Variants in CEP63 observed in about 807,000 individuals in gnomAD.
CEP63 encodes centrosomal protein of 63 kDa.
Under a neutral mutation model 89.1 loss-of-function variants are expected in CEP63, and 84 were observed. The observed-to-expected ratio is 0.94, with a 90% CI of 0.79 to 1.13. The LOEUF (loss-of-function observed/expected upper bound fraction) is 1.13. CEP63 is among the 50% of genes most tolerant of loss of function. CEP63 has a pLI of 0.00. For missense variants in CEP63, 838 were observed against 813.3 expected, an observed-to-expected ratio of 1.03 and a Z score of -0.37; for synonymous variants, 267 against 272.5, an observed-to-expected ratio of 0.98 and a Z score of 0.20.
the CEP63 span, chr3:134,629,800 C>T: frequency 1.4e-6 from 1 of 716,992 alleles, no homozygotes; most frequent in South Asian, 1.6e-5. Flanking sequence ...TTAGAACTTT[C>T]TTTTGTGTGT....
Position 134,532,865 on chromosome 3 carries a change from C to G in CEP63, c.406C>G (p.Arg136Gly), listed in dbSNP as rs779176783. ...AAATACCAAAAATCACAGGGAAGATCGGTCTGAAATTGAGAGGTTAACTGC... is the reference window on the plus strand; with the variant it reads ...AAATACCAAAAATCACAGGGAAGATGGGTCTGAAATTGAGAGGTTAACTGC... ...RGNTKNHRED[R>G]SEIERLTAKI... The change falls in exon 5 of 15, where the codon CGG becomes GGG. Residue 136 changes from arginine (R) to glycine (G), a missense_variant. Coordinates refer to ENST00000675561, the MANE Select transcript of CEP63 (RefSeq NM_001353108.3). 1.9e-6 allele frequency: 3 copies of G among 1,613,608 alleles called. No homozygotes were observed. Among genetic ancestry groups the G allele is most frequent in the Non-Finnish European group, 2.5e-6 (3 of 1,179,784 alleles).
the CEP63 span, among the ~76,000 whole-genome samples, chr3:134,730,708 A>G: frequency 6.6e-6 from 1 of 151,922 alleles, no homozygotes; most frequent in Non-Finnish European, 1.5e-5. Flanking sequence ...AAGCAAGGTA[A>G]CTATAAAGCA....
chr3:134,584,587 T>C (rs552154505), intron 10 of CEP63, among the ~76,000 whole-genome samples: 1 of 152,350 alleles, frequency 6.6e-6, no homozygotes, highest in African/African-American at 2.4e-5. Context: ...GCCAGTATTT[T>C]ATTGAGGATT....
the CEP63 span, among the ~76,000 whole-genome samples, chr3:134,721,463 T>C: frequency 6.6e-6 from 1 of 152,090 alleles, no homozygotes; most frequent in Non-Finnish European, 1.5e-5. Context: ...TTTTTTTCTT[T>C]CTCTTACCTA....
At chr3:134,669,003 G>A in the CEP63 span, among the ~76,000 whole-genome samples, 1 of 151,992 alleles carries the variant, frequency 6.6e-6, no homozygotes, top group African/African-American at 2.4e-5. Flanking sequence ...TGTATTTAGG[G>A]CAGTATGCTT....
chr3:134,692,281 C>T, the CEP63 span, among the ~76,000 whole-genome samples: 2 of 151,948 alleles, frequency 1.3e-5, no homozygotes, highest in African/African-American at 4.8e-5. Context: ...CATGACAGGC[C>T]CTGGTGTGTG....
At chr3:134,635,677 A>T in the CEP63 span, among the ~76,000 whole-genome samples, 1 of 152,078 alleles carries the variant, frequency 6.6e-6, no homozygotes, top group African/African-American at 2.4e-5. Context: ...TCACAAATCT[A>T]TGCATGTGTT....
the CEP63 span, chr3:134,607,068 A>G: frequency 1.0e-6 from 1 of 985,310 alleles, no homozygotes; most frequent in Non-Finnish European, 1.2e-6. Flanking sequence ...TTATATTTTT[A>G]TGTCTCTTAA....
chr3:134,736,676 A>G, the CEP63 span, among the ~76,000 whole-genome samples: 1 of 152,224 alleles, frequency 6.6e-6, no homozygotes, highest in Admixed American at 6.5e-5. Flanking sequence ...AATAAATGGA[A>G]TGATACATCA....
chr3:134,696,518 C>T, the CEP63 span, among the ~76,000 whole-genome samples: 4 of 152,176 alleles, frequency 2.6e-5, no homozygotes, highest in Non-Finnish European at 4.4e-5. Flanking sequence ...TGTTTTTAAA[C>T]AATAACTTTT....
chr3:134,612,111 TC>T, the CEP63 span, among the ~76,000 whole-genome samples: 1 of 152,184 alleles, frequency 6.6e-6, no homozygotes, highest in African/African-American at 2.4e-5. Context: ...GTGCTGAGGT[TC>T]CTTAGGGGCT....
the CEP63 span, among the ~76,000 whole-genome samples, chr3:134,677,784 C>A: frequency 6.6e-6 from 1 of 152,048 alleles, no homozygotes; most frequent in South Asian, 2.1e-4. Flanking sequence ...TGTTTGGAAG[C>A]ACCCCCATGG....
chr3:134,495,845 CTAT>C (rs1046898191), intron 2 of CEP63, among the ~76,000 whole-genome samples: 38 of 152,258 alleles, frequency 2.5e-4, no homozygotes, highest in African/African-American at 9.1e-4. Context: ...CTTTCTGTGC[CTAT>C]TATTTCACTT....
chr3:134,511,526 G>C (rs527934930), intron 3 of CEP63: 1 of 152,640 alleles, frequency 6.6e-6, no homozygotes, highest in South Asian at 2.0e-4. Flanking sequence ...TTTTGTCATT[G>C]TATTAGTTCA....
chr3:134,709,617 A>G, the CEP63 span, among the ~76,000 whole-genome samples: 2 of 152,170 alleles, frequency 1.3e-5, no homozygotes, highest in Non-Finnish European at 2.9e-5. Context: ...GGTTTTGCAT[A>G]AACAATTCTT....
chr3:134,503,739 C>A lies in CEP63; in HGVS notation c.45-3370C>A, dbSNP rs76983833. On this transcript the variant is annotated intron_variant, in intron 2 of 14. Transcript: ENST00000675561. Reference sequence around the variant, plus strand: ...TGTAATATCTTGTTGCTGAATTGATCCCTTTTCATTATATAATGACCTTCT... The same window carrying A: ...TGTAATATCTTGTTGCTGAATTGATACCTTTTCATTATATAATGACCTTCT... Among the ~76,000 whole-genome samples the A allele has an allele frequency of 6.3e-3, 959 of 152,024 alleles. 21 individuals carry two copies. In the South Asian group the frequency reaches 0.075, roughly 12 times the overall value.
chr3:134,567,377 A>T (rs1957817462), downstream of CEP63, among the ~76,000 whole-genome samples: 1 of 151,004 alleles, frequency 6.6e-6, no homozygotes, highest in African/African-American at 2.4e-5. Flanking sequence ...TGGTTGCACA[A>T]CTCTGAATAT....
At chr3:134,509,386 T>A (rs921018533) in intron 3 of CEP63, among the ~76,000 whole-genome samples, 4 of 152,152 alleles carry the variant, frequency 2.6e-5, no homozygotes, top group African/African-American at 9.7e-5. Context: ...TCCAGTCACT[T>A]CCCACTAGGC....
At chr3:134,733,642 C>G in the CEP63 span, among the ~76,000 whole-genome samples, 1 of 151,984 alleles carries the variant, frequency 6.6e-6, no homozygotes, top group African/African-American at 2.4e-5. Context: ...ACGCCATGTG[C>G]CAGTGGAGGC....
Sources: allele counts gnomAD v4.1 joint callset (sites outside exome capture counted in the v4.1 genomes callset), GRCh38; gene constraint gnomAD v4.1.1; transcripts MANE v1.5; gene names NCBI Gene and HGNC (gene_info 2026-07-23, HGNC 2026-07-21).